The following SPTA1 variants were observed in gnomAD, a reference collection of about 807,000 sequenced individuals.
The protein encoded by SPTA1 is spectrin alpha, erythrocytic 1.
SPTA1 carries 177 observed loss-of-function variants against 324.7 expected under a neutral mutation model. That is an observed-to-expected ratio of 0.55 (90% CI 0.48 to 0.62). The LOEUF (loss-of-function observed/expected upper bound fraction) is 0.62, where lower values mean the gene tolerates loss of function less well. SPTA1 is among the 20% of genes least tolerant of loss of function. SPTA1 has a pLI of 0.00. For synonymous variants in SPTA1, 1,195 were observed against 1,041.3 expected, an observed-to-expected ratio of 1.15 and a Z score of -2.84; for missense variants, 3,162 against 2,883.6, an observed-to-expected ratio of 1.10 and a Z score of -2.21.
At chr1:158,652,190 A>G (rs1006077447) in intron 23 of SPTA1, among the ~76,000 whole-genome samples, 4 of 152,188 alleles carry the variant, frequency 2.6e-5, no homozygotes, top group Non-Finnish European at 5.9e-5. Flanking sequence ...AGTATAGTAT[A>G]GGGCAAGTTG....
chr1:158,673,789 C>T (rs1654194663), intron 10 of SPTA1, among the ~76,000 whole-genome samples: 1 of 152,108 alleles, frequency 6.6e-6, no homozygotes, highest in Non-Finnish European at 1.5e-5. Flanking sequence ...GAAATAAATG[C>T]TCAGAGATGA....
chr1:158,661,338 C>T lies in SPTA1; in HGVS notation c.2536G>A (p.Glu846Lys), dbSNP rs942046445. 3 of 1,613,942 alleles carry T rather than the reference C, an allele frequency of 1.9e-6. No individual in the cohort carries two copies. In the South Asian group the frequency reaches 3.3e-5, roughly 18 times the overall value. The stretch of plus-strand genomic sequence containing the variant: ...TCTGTTATCTCTTGAATGCGTGGTT[C>T]ATGGCTGGCAATGTTCTCCAGGATG... ...RVILENIASH[E>K]PRIQEITERG... The change falls in exon 18 of 52, where the codon GAA becomes AAA. Residue 846 changes from glutamate to lysine, a missense_variant. Transcript: ENST00000643759.
rs750758069 is a variant in SPTA1, at chr1:158,640,018, G to A, written c.4738-11C>T. The A allele has an allele frequency of 1.2e-6, 2 of 1,613,696 alleles. No homozygotes were observed. Among genetic ancestry groups the A allele is most frequent in the South Asian group, 2.2e-5 (2 of 91,066 alleles). ...CTGTTCCAGTTGCTCCTAACCCAAG[G>A]AGAGTGAGGAGTCATTACAATCTTT... On this transcript the variant is annotated splice_polypyrimidine_tract_variant and intron_variant, in intron 33 of 51. Transcript: ENST00000643759.
At chr1:158,658,745 GA>G (rs1190224080) in intron 18 of SPTA1, among the ~76,000 whole-genome samples, 1 of 151,996 alleles carries the variant, frequency 6.6e-6, no homozygotes, top group Non-Finnish European at 1.5e-5. Context: ...AAAACAGGTA[GA>G]GGGGGAAAAA....
chr1:158,619,340 A>G lies in SPTA1; in HGVS notation c.6418-6T>C. On this transcript the variant is annotated splice_region_variant and splice_polypyrimidine_tract_variant and intron_variant, in intron 44 of 51. Transcript: ENST00000643759. ...TGCAGCTCCTGCTCCCGTTCCTAAA[A>G]CCCCAAATCACAGACAACGTGACTG... is the stretch of plus-strand genomic sequence containing the variant. 2.5e-6 allele frequency: 4 copies of G among 1,613,768 alleles called. No homozygotes were observed. Among genetic ancestry groups the G allele is most frequent in the South Asian group, 1.1e-5 (1 of 91,058 alleles).
intron 40 of SPTA1, 113 bp downstream of exon 40, chr1:158,627,512 G>T: frequency 1.9e-6 from 2 of 1,030,902 alleles, no homozygotes; most frequent in South Asian, 1.3e-5. Context: ...GATTGTTAAA[G>T]TTCTGCATAT....
At chr1:158,626,285 G>T in intron 41 of SPTA1, 63 bp from the exon 42 acceptor site, 1 of 1,468,548 alleles carries the variant, frequency 6.8e-7, no homozygotes. Context: ...CTGGGAAGCA[G>T]AAAAGGAATA....
rs1367431362 is a variant in SPTA1 at position 158,685,293 on chromosome 1, T to G, written c.79A>C (p.Arg27=). The G allele has an allele frequency of 6.2e-7, 1 of 1,613,748 alleles. No homozygotes were observed. The highest frequency in any genetic ancestry group is 8.5e-7 in the Non-Finnish European group (1 of 1,179,868). The change falls in exon 2 of 52, where the codon AGG becomes CGG. Residue 27 remains arginine (R), a synonymous_variant. Transcript: ENST00000643759. The part of the protein sequence containing the change: ...VLETAEEIQE[R]RQEVLTRYQS... ...TACCGAGTCAACACTTCCTGACGCC[T>G]CTCCTGGATCTCTTCTGCTGTTTCC...
intron 46 of SPTA1, 135 bp downstream of exon 46, chr1:158,617,904 C>T: frequency 1.1e-6 from 1 of 883,042 alleles, no homozygotes; most frequent in Non-Finnish European, 1.8e-6. Context: ...TGAGCTTTTC[C>T]TTCTCACTCC....
intron 17 of SPTA1, 171 bp from the exon 18 acceptor site, chr1:158,661,580 T>G: frequency 1.2e-6 from 1 of 819,600 alleles, no homozygotes; most frequent in South Asian, 1.7e-5. Context: ...CTTATCTTTG[T>G]TCTTCCCCTG....
intron 27 of SPTA1, among the ~76,000 whole-genome samples, chr1:158,647,178 G>A (rs893650097): frequency 2.6e-5 from 4 of 152,054 alleles, no homozygotes; most frequent in African/African-American, 9.7e-5. Context: ...ACCCAACTCT[G>A]AATTCCCACT....
Position 158,680,747 on chromosome 1 carries a change from G to A in SPTA1, c.532-18C>T, listed in dbSNP as rs375119217. On this transcript the variant is annotated intron_variant, in intron 4 of 51. Transcript: ENST00000643759. ...ATAGCCTCCTGTAGACACAGAAGTT[G>A]ATTGAGTTGCCAGCAAACATTTAGG... 1.9e-6 allele frequency: 3 copies of A among 1,613,140 alleles called. No individual in the cohort carries two copies. In the African/African-American group the frequency reaches 4.0e-5, roughly 22 times the overall value.
chr1:158,626,838 C>A lies in SPTA1; in HGVS notation c.5833+1G>T, dbSNP rs531944041. 6.2e-7 allele frequency: 1 copy of A among 1,613,592 alleles called. No individual in the cohort carries two copies. Among genetic ancestry groups the A allele is most frequent in the African/African-American group, 1.3e-5 (1 of 75,016 alleles). ...GGGACCCTGAACCTGACACATCATA[C>A]CTATCCAAGCCTCTACCACATCAGC... On this transcript the variant is annotated splice_donor_variant, in intron 41 of 51. Transcript: ENST00000643759. LOFTEE classifies it high-confidence loss of function.
chr1:158,644,664 T>C (rs1651860502), intron 29 of SPTA1, among the ~76,000 whole-genome samples: 1 of 152,208 alleles, frequency 6.6e-6, no homozygotes, highest in African/African-American at 2.4e-5. Context: ...GTCATTTCCT[T>C]AAGACTTTGT....
Position 158,642,396 on chromosome 1 carries a change from C to T in SPTA1, c.4737+15G>A. 1 of 1,612,516 alleles carries T rather than the reference C, an allele frequency of 6.2e-7. No homozygotes were observed. The highest frequency in any genetic ancestry group is 8.5e-7 in the Non-Finnish European group (1 of 1,179,052). On this transcript the variant is annotated intron_variant, in intron 33 of 51. Transcript: ENST00000643759. ...TCATGTGACTTTGTAGCCCAAAACT[C>T]ATCCTGAGCTTTACCTTCATGGCCT...
intron 42 of SPTA1, among the ~76,000 whole-genome samples, chr1:158,624,947 A>C (rs187021727): frequency 3.3e-5 from 5 of 152,350 alleles, no homozygotes; most frequent in Admixed American, 3.3e-4. Context: ...CTTCAAAGAA[A>C]TTGAAATTTT....
rs199544164 is a variant in SPTA1 at position 158,666,321 on chromosome 1, G to C, written c.2215C>G (p.Arg739Gly). ...HGLLESAVAA[R>G]QDQVDILTDL... The stretch of plus-strand genomic sequence containing the variant: ...CCAAAGAGCTAACAACAAACCTGAC[G>C]AGCAGCCACAGCCGACTCCAGGAGG... Residue 739 changes from arginine (R) to glycine (G), a missense_variant, in exon 16 of 52, where the codon CGT becomes GGT. Arg to Gly is a moderately radical substitution (Grantham distance 125). Transcript: ENST00000643759. The C allele has an allele frequency of 2.5e-6, 4 of 1,613,128 alleles. No individual in the cohort carries two copies. The highest frequency in any genetic ancestry group is 3.4e-6 in the Non-Finnish European group (4 of 1,179,906).
chr1:158,623,178 G>A lies in SPTA1; in HGVS notation c.5925C>T (p.Ala1975=). The change falls in exon 43 of 52, where the codon GCC becomes GCT. Residue 1975 remains alanine (A), a synonymous_variant. Transcript: ENST00000643759. ...TCTCTTGCTGGAAACTCTGCAGACT[G>A]GCATCCAGAGTGTCCTGAGAAAGAT... ...TLLAKQDTLD[A]SLQSFQQERL... 1.2e-6 allele frequency: 2 copies of A among 1,614,102 alleles called. No individual in the cohort carries two copies. Among genetic ancestry groups the A allele is most frequent in the Admixed American group, 1.7e-5 (1 of 60,018 alleles).
At chr1:158,619,182 G>A (rs562787649) in intron 45 of SPTA1, 40 bp downstream of exon 45, 1 of 1,562,374 alleles carries the variant, frequency 6.4e-7, no homozygotes, top group South Asian at 1.1e-5. Flanking sequence ...GCAAATGGTG[G>A]TGGCACAGGG....
Sources: gnomAD v4.1 joint callset for allele counts (sites outside exome capture counted in the v4.1 genomes callset) on GRCh38, gnomAD v4.1.1 for gene constraint, MANE v1.5 for transcripts, NCBI Gene and HGNC (gene_info 2026-07-23, HGNC 2026-07-21) for gene names.